The following ADGB variants were observed in gnomAD, a reference collection of about 807,000 sequenced individuals.
The protein encoded by ADGB is calpain-7-like protein.
Under a neutral mutation model 210.5 loss-of-function variants are expected in ADGB, and 172 were observed. The ratio of observed to expected loss-of-function variants is 0.82; its 90% CI spans 0.72 to 0.93. The LOEUF is 0.93. ADGB is among the 40% of genes least tolerant of loss of function. ADGB has a pLI of 0.00. For missense variants in ADGB, 2,025 were observed against 1,964.8 expected, an observed-to-expected ratio of 1.03 and a Z score of -0.58; for synonymous variants, 658 against 662.7, an observed-to-expected ratio of 0.99 and a Z score of 0.11.
chr6:146,751,788 G>A (rs377384821), intron 26 of ADGB, among the ~76,000 whole-genome samples: 5 of 152,074 alleles, frequency 3.3e-5, no homozygotes, highest in African/African-American at 9.6e-5. Flanking sequence ...TTTGAGAAGC[G>A]TCTGTTTATA....
chr6:146,741,340 C>T, intron 25 of ADGB, 69 bp downstream of exon 25: 1 of 1,443,136 alleles, frequency 6.9e-7, no homozygotes. Flanking sequence ...GTAGAGGGTC[C>T]TGAAGGGAGG....
chr6:146,605,299 G>C (rs1055046475), intron 1 of ADGB, among the ~76,000 whole-genome samples: 6 of 152,152 alleles, frequency 3.9e-5, no homozygotes, highest in African/African-American at 1.2e-4. Context: ...AGCGATGTGA[G>C]TGTGCACTGT....
chr6:146,721,929 G>A (rs1776823512), intron 17 of ADGB, among the ~76,000 whole-genome samples: 1 of 151,986 alleles, frequency 6.6e-6, no homozygotes, highest in African/African-American at 2.4e-5. Context: ...AGTCCCACAG[G>A]ACCACCTACA....
intron 13 of ADGB, among the ~76,000 whole-genome samples, chr6:146,714,791 C>A (rs1776709529): frequency 6.6e-6 from 1 of 152,178 alleles, no homozygotes. Flanking sequence ...TCTCTTCCAT[C>A]CACTTTACAT....
At chr6:146,682,866 A>C (rs1373666059) in intron 9 of ADGB, among the ~76,000 whole-genome samples, 1 of 152,086 alleles carries the variant, frequency 6.6e-6, no homozygotes, top group African/African-American at 2.4e-5. Flanking sequence ...GAAAATTTTG[A>C]ACCTTCTCTC....
rs57256727 is a variant in ADGB at position 146,627,326 on chromosome 6, A to G, written c.75-8049A>G. ...TGTTCTTATTTTTTTATGCCTGGTA[A>G]TTTTTTATTTTATGACAGACATTAT... On this transcript the variant is annotated intron_variant, in intron 1 of 35. Transcript: ENST00000397944. Among the ~76,000 whole-genome samples the G allele has an allele frequency of 9.9e-3, 1,509 of 151,746 alleles. 30 individuals are homozygous for G. The highest frequency in any genetic ancestry group is 0.033 in the African/African-American group (1,367 of 41,342).
chr6:146,662,151 T>C (rs1362838797), intron 5 of ADGB, among the ~76,000 whole-genome samples: 3 of 152,172 alleles, frequency 2.0e-5, no homozygotes, highest in African/African-American at 4.8e-5. Context: ...CTGAGTTCCT[T>C]GAGTTTGTAG....
intron 28 of ADGB, among the ~76,000 whole-genome samples, chr6:146,768,292 A>G (rs1777604976): frequency 6.6e-6 from 1 of 152,246 alleles, no homozygotes; most frequent in African/African-American, 2.4e-5. Flanking sequence ...CAAATAGCTA[A>G]CGGAACTTGG....
intron 15 of ADGB, 87 bp from the exon 16 acceptor site, chr6:146,717,449 A>C: frequency 2.7e-6 from 2 of 732,104 alleles, no homozygotes; most frequent in Middle Eastern, 2.5e-4. Context: ...CTTTCTTCCT[A>C]CAATAATTTG....
At chr6:146,613,061 T>C (rs906200791) in intron 1 of ADGB, among the ~76,000 whole-genome samples, 5 of 152,372 alleles carry the variant, frequency 3.3e-5, no homozygotes, top group African/African-American at 9.6e-5. Context: ...AACTTTGTTA[T>C]AAGCCCCTTC....
chr6:146,689,748 C>A (rs1009299337), intron 10 of ADGB, among the ~76,000 whole-genome samples: 1 of 151,992 alleles, frequency 6.6e-6, no homozygotes, highest in African/African-American at 2.4e-5. Flanking sequence ...AACTACTATA[C>A]CAAGGCATTT....
intron 35 of ADGB, among the ~76,000 whole-genome samples, chr6:146,804,850 T>A (rs1277327003): frequency 6.6e-6 from 1 of 152,176 alleles, no homozygotes; most frequent in Non-Finnish European, 1.5e-5. Flanking sequence ...GCAGACTTAT[T>A]TTCTGTAAAG....
chr6:146,687,853 C>T (rs1039615440), intron 10 of ADGB, among the ~76,000 whole-genome samples: 1 of 152,046 alleles, frequency 6.6e-6, no homozygotes, highest in African/African-American at 2.4e-5. Context: ...TTCAAACCCC[C>T]TTTAAAACCA....
At chr6:146,708,934 G>A (rs1429529368) in intron 13 of ADGB, among the ~76,000 whole-genome samples, 1 of 151,740 alleles carries the variant, frequency 6.6e-6, no homozygotes, top group Non-Finnish European at 1.5e-5. Flanking sequence ...TTTTCCAATA[G>A]CCTGTCTTCA....
intron 29 of ADGB, among the ~76,000 whole-genome samples, chr6:146,775,190 T>G (rs1229539486): frequency 6.6e-6 from 1 of 152,162 alleles, no homozygotes; most frequent in East Asian, 1.9e-4. Context: ...CATCCTGAAG[T>G]CAATGTTGCC....
intron 9 of ADGB, among the ~76,000 whole-genome samples, chr6:146,684,560 T>C (rs1257607911): frequency 1.3e-5 from 2 of 152,126 alleles, no homozygotes; most frequent in African/African-American, 4.8e-5. Context: ...TTCATAAACA[T>C]TCATTCTTTT....
chr6:146,685,819 A>G lies in ADGB; in HGVS notation c.1302A>G (p.Leu434=), dbSNP rs1471016799. The G allele has an allele frequency of 6.5e-7, 1 of 1,526,906 alleles. No homozygotes were observed. Among genetic ancestry groups the G allele is most frequent in the Non-Finnish European group, 8.8e-7 (1 of 1,132,364 alleles). The allele number at this position is 1,526,906 out of a possible 1,614,324, so 94.6% of individuals were successfully genotyped here. Residue 434 remains leucine (L), a synonymous_variant, in exon 10 of 36, where the codon TTA becomes TTG. Coordinates refer to ENST00000397944, the MANE Select transcript of ADGB (RefSeq NM_024694.4). ...LYLFENKIFS[L]EKMADSAEKL... is the part of the protein sequence containing the mutation. ...TGTTTGAAAACAAGATCTTTTCATT[A>G]GAGAAGATGGTAAGCATTCAAGCTT... is the stretch of plus-strand genomic sequence containing the variant.
intron 1 of ADGB, among the ~76,000 whole-genome samples, chr6:146,617,597 T>G (rs1780821983): frequency 6.6e-6 from 1 of 152,112 alleles, no homozygotes; most frequent in Admixed American, 6.5e-5. Flanking sequence ...TGACCTTCAT[T>G]GTTTTCAGGT....
At chr6:146,702,896 T>C (rs768589191) in intron 13 of ADGB, among the ~76,000 whole-genome samples, 3 of 151,944 alleles carry the variant, frequency 2.0e-5, no homozygotes, top group Non-Finnish European at 4.4e-5. Context: ...TTGCTAAATA[T>C]ACACGATAAG....
Sources: gnomAD v4.1 joint callset for allele counts (sites outside exome capture counted in the v4.1 genomes callset) on GRCh38, gnomAD v4.1.1 for gene constraint, MANE v1.5 for transcripts, NCBI Gene and HGNC (gene_info 2026-07-23, HGNC 2026-07-21) for gene names.